RARB: variants seen among roughly 807,000 people sequenced by gnomAD.
RARB encodes HBV-activated protein.
RARB carries 17 observed loss-of-function variants against 51.9 expected under a neutral mutation model. The ratio of observed to expected loss-of-function variants is 0.33; its 90% confidence interval spans 0.22 to 0.49. The LOEUF is 0.49. RARB is among the 20% of genes least tolerant of loss of function. The probability of loss-of-function intolerance (pLI) is 0.99; values close to 1 mark genes in which losing one functional copy is unlikely to be tolerated. For missense variants in RARB, 369 were observed against 550.8 expected (o/e 0.67, Z 3.30); for synonymous variants, 215 against 195.4 (o/e 1.10, Z -0.84).
At chr3:25,415,947 C>T (rs545353568) in intron 5 of RARB, among the ~76,000 whole-genome samples, 5 of 152,026 alleles carry the variant, frequency 3.3e-5, no homozygotes, top group Admixed American at 6.6e-5. Context: ...AGATACATGC[C>T]AGGTAGGGTT....
At chr3:24,883,922 T>C (rs1329778835) in intron 2 of RARB, among the ~76,000 whole-genome samples, 1 of 152,186 alleles carries the variant, frequency 6.6e-6, no homozygotes. Context: ...TCTATGTGGT[T>C]ATTTAATTTT....
At chr3:25,172,155 A>T (rs955024538) in intron 4 of RARB, among the ~76,000 whole-genome samples, 2 of 152,162 alleles carry the variant, frequency 1.3e-5, no homozygotes, top group African/African-American at 4.8e-5. Context: ...CGTTTTTAAT[A>T]TTAATAGGCC....
chr3:25,422,064 A>G (rs1005687073), intron 5 of RARB, among the ~76,000 whole-genome samples: 1 of 152,204 alleles, frequency 6.6e-6, no homozygotes, highest in African/African-American at 2.4e-5. Flanking sequence ...GGTTAATGTG[A>G]CTGAGAACTC....
chr3:25,040,346 C>G lies in RARB; in HGVS notation c.-379-19779C>G, dbSNP rs370741700. 3.9e-5 allele frequency among the ~76,000 whole-genome samples: 6 copies of G among 152,298 alleles called. No homozygotes were observed. The South Asian group carries it at 1.2e-3, about 32-fold the overall frequency. On this transcript the variant is annotated intron_variant, in intron 2 of 11. Transcript: ENST00000383772. ...TTAAGGGGAAGCCAATGGAAATATT[C>G]ATAGGTGGTTCATAGGAGGGTGGAA...
At chr3:25,067,620 C>T (rs1214725778) in intron 3 of RARB, among the ~76,000 whole-genome samples, 3 of 152,136 alleles carry the variant, frequency 2.0e-5, no homozygotes. Flanking sequence ...ATCCCTAGTC[C>T]TAGTACCATA....
chr3:25,514,795 C>T (rs1698076936), intron 3 of RARB, among the ~76,000 whole-genome samples: 1 of 152,166 alleles, frequency 6.6e-6, no homozygotes, highest in African/African-American at 2.4e-5. Flanking sequence ...TTCTAGTAAA[C>T]TCTGTGGACT....
At chr3:25,433,126 C>G (rs1417058303) in intron 1 of RARB, among the ~76,000 whole-genome samples, 1 of 152,102 alleles carries the variant, frequency 6.6e-6, no homozygotes, top group East Asian at 1.9e-4. Flanking sequence ...TGGCTGAAAA[C>G]CTTTCCAAAG....
intron 2 of RARB, among the ~76,000 whole-genome samples, chr3:25,015,975 AC>A (rs1253718553): frequency 6.6e-6 from 1 of 152,208 alleles, no homozygotes; most frequent in Non-Finnish European, 1.5e-5. Context: ...TTTAGATAAA[AC>A]ATTGTACAAA....
At chr3:25,571,713 C>T (rs551893300) in intron 4 of RARB, among the ~76,000 whole-genome samples, 15 of 152,216 alleles carry the variant, frequency 9.9e-5, no homozygotes, top group Non-Finnish European at 1.6e-4. Context: ...AGCCCCATGA[C>T]GGTGAACAAA....
At chr3:25,374,550 C>G (rs148277322) in intron 5 of RARB, among the ~76,000 whole-genome samples, 1 of 152,098 alleles carries the variant, frequency 6.6e-6, no homozygotes, top group African/African-American at 2.4e-5. Flanking sequence ...CCTTTGGTAA[C>G]AGAACACAGC....
intron 5 of RARB, among the ~76,000 whole-genome samples, chr3:25,277,240 G>A (rs1259956277): frequency 6.6e-6 from 1 of 152,116 alleles, no homozygotes; most frequent in Non-Finnish European, 1.5e-5. Flanking sequence ...GGCCAATATA[G>A]GGGGAGGGCA....
intron 5 of RARB, among the ~76,000 whole-genome samples, chr3:25,327,197 TAAGAG>T (rs1391319997): frequency 6.6e-6 from 1 of 151,852 alleles, no homozygotes; most frequent in Non-Finnish European, 1.5e-5. Flanking sequence ...CAGGGAGAAA[TAAGAG>T]AAAACGAATG....
chr3:25,179,660 G>A (rs147897427), intron 5 of RARB, among the ~76,000 whole-genome samples: 6 of 152,288 alleles, frequency 3.9e-5, no homozygotes, highest in African/African-American at 1.4e-4. Flanking sequence ...GGCTTTGAAT[G>A]TTTGAGAAAT....
At chr3:25,443,727 T>C (rs1253891700) in intron 1 of RARB, among the ~76,000 whole-genome samples, 2 of 150,402 alleles carry the variant, frequency 1.3e-5, no homozygotes, top group African/African-American at 2.4e-5. Flanking sequence ...AGCTCAGGAG[T>C]TCAAGACCAG....
At chr3:24,996,835 T>G (rs1215426380) in intron 2 of RARB, among the ~76,000 whole-genome samples, 4 of 152,086 alleles carry the variant, frequency 2.6e-5, no homozygotes, top group Admixed American at 2.6e-4. Context: ...GTTATTTTGG[T>G]TTGTGAAAAA....
intron 5 of RARB, among the ~76,000 whole-genome samples, chr3:25,289,840 T>C (rs778048433): frequency 6.6e-6 from 1 of 152,172 alleles, no homozygotes; most frequent in African/African-American, 2.4e-5. Context: ...AAAGGATTAA[T>C]TTTCCAGCCA....
intron 5 of RARB, among the ~76,000 whole-genome samples, chr3:25,413,175 A>G (rs11921615): frequency 0.078 from 11,895 of 152,226 alleles, 498 homozygotes; most frequent in Middle Eastern, 0.15. Flanking sequence ...ACTTCTAATG[A>G]GATTAACTGA....
At position 25,258,224 on chromosome 3, in the gene RARB, A is replaced by G. The variant is rs1035947841; in HGVS notation, c.178+83649A>G. On this transcript the variant is annotated intron_variant, in intron 5 of 11. Transcript: ENST00000383772. ...TAATTCCATGTTTCTATGTGGCACTACCTCTAAAGATGATTTCCATATGGG... is the reference window on the plus strand; with the variant it reads ...TAATTCCATGTTTCTATGTGGCACTGCCTCTAAAGATGATTTCCATATGGG... 3.3e-5 allele frequency among the ~76,000 whole-genome samples: 5 copies of G among 152,118 alleles called. No homozygotes were observed. In the East Asian group the frequency reaches 7.7e-4, roughly 23 times the overall value.
chr3:24,887,062 G>C (rs1013101324), intron 2 of RARB, among the ~76,000 whole-genome samples: 10 of 152,152 alleles, frequency 6.6e-5, no homozygotes, highest in African/African-American at 1.7e-4. Context: ...ATGCCATAGA[G>C]GCATGAAAAT....
Sources: allele counts gnomAD v4.1 joint callset (sites outside exome capture counted in the v4.1 genomes callset), GRCh38; gene constraint gnomAD v4.1.1; transcripts MANE v1.5; gene names NCBI Gene and HGNC (gene_info 2026-07-23, HGNC 2026-07-21).